The following XKR8 variants were observed in gnomAD, a reference collection of about 807,000 sequenced individuals.
XKR8 encodes XK-related protein 8.
XKR8 carries 10 observed loss-of-function variants against 17.1 expected under a neutral mutation model. The ratio of observed to expected loss-of-function variants is 0.59; its 90% CI spans 0.36 to 0.99. XKR8 has a LOEUF of 0.99. Among genes scored for constraint, XKR8 ranks in the 50% least tolerant of loss-of-function variants. The pLI, the probability that XKR8 is intolerant of heterozygous loss-of-function variation, is 0.01. For missense variants in XKR8, 411 were observed against 515.6 expected (o/e 0.80, Z 1.96); for synonymous variants, 213 against 251.9 (o/e 0.85, Z 1.46).
At position 27,965,526 on chromosome 1, in the gene XKR8, C is replaced by T. The variant is rs141972432; in HGVS notation, c.491-977C>T. ...TGGCATGGGGTCAGGGTGGGTGACT[C>T]CCGGGGCTCTTCAAGCTGGGGCCTG... On this transcript the variant is annotated intron_variant, in intron 2 of 2. Transcript: ENST00000373884. This position sits in a 1 kb window ranked among gnomAD's most constrained non-coding sequence, Gnocchi z 4.1. 2.5e-3 allele frequency among the ~76,000 whole-genome samples: 373 copies of T among 152,162 alleles called. 1 individual carries two copies. The highest frequency in any genetic ancestry group is 5.8e-3 in the Admixed American group (88 of 15,276).
At position 27,966,864 on chromosome 1, in the gene XKR8, G is replaced by C. The variant is rs1449075556; in HGVS notation, c.852G>C (p.Arg284=). The C allele has an allele frequency of 6.2e-7, 1 of 1,614,028 alleles. No homozygotes were observed. Among genetic ancestry groups the C allele is most frequent in the Non-Finnish European group, 8.5e-7 (1 of 1,180,038 alleles). The part of the protein sequence containing the change: ...FNVAEGRTRG[R]AIIHFAFLLS... ...TGGCTGAGGGCCGCACCCGAGGCCG[G>C]GCCATCATCCACTTCGCCTTCCTCC... The change falls in exon 3 of 3, where the codon CGG becomes CGC. Residue 284 remains arginine (R), a synonymous_variant. Coordinates refer to ENST00000373884, the MANE Select transcript of XKR8 (RefSeq NM_018053.4). The surrounding 1 kb of genome is among the most constrained non-coding windows in gnomAD (Gnocchi z 4.3).
In XKR8 at chr1:27,963,676, G is replaced by A. The variant is rs761902779; in HGVS notation, c.473G>A (p.Arg158Gln). 7.6e-6 allele frequency: 12 copies of A among 1,579,824 alleles called. No individual in the cohort carries two copies. The highest frequency in any genetic ancestry group is 4.6e-5 in the South Asian group (4 of 86,960). ...CTGGCCATCATGCTGCAGAGTGGCC[G>A]GGCTGAGTACTACCAGTGTGAGTGA... ...LVLAIMLQSG[R>Q]AEYYQWVGIC... Residue 158 changes from arginine (R) to glutamine (Q), a missense_variant, in exon 2 of 3, where the codon CGG (arginine) becomes CAG (glutamine). Transcript: ENST00000373884.
Position 27,960,151 on chromosome 1 carries a change from G to A in XKR8, c.82G>A (p.Gly28Ser). The A allele has an allele frequency of 6.5e-6, 10 of 1,527,658 alleles. No individual in the cohort carries two copies. The highest frequency in any genetic ancestry group is 8.7e-6 in the Non-Finnish European group (10 of 1,144,364). 94.6% of individuals were successfully genotyped at this position (1,527,658 alleles called of 1,614,324 possible). ...LGTAAFLLDL[G>S]TDLWAAVQYA... is the part of the protein sequence containing the mutation. ...CACCGCCGCCTTCCTGCTCGACCTG[G>A]GCACCGACCTGTGGGCCGCCGTCCA... Residue 28 changes from glycine (G) to serine (S), a missense_variant, in exon 1 of 3, where the codon GGC (glycine) becomes AGC (serine). By Grantham distance (56) the Gly-to-Ser change is moderately conservative (BLOSUM62 0). Transcript: ENST00000373884. This position sits in a 1 kb window ranked among gnomAD's most constrained non-coding sequence, Gnocchi z 5.9.
At chr1:27,964,600 C>G (rs990216704) in intron 2 of XKR8, among the ~76,000 whole-genome samples, 1 of 152,160 alleles carries the variant, frequency 6.6e-6, no homozygotes, top group African/African-American at 2.4e-5. Context: ...ACAAGATGAA[C>G]CCAGCCCCTG....
At position 27,963,519 on chromosome 1, in the gene XKR8, G is replaced by A; in HGVS notation, c.316G>A (p.Gly106Arg). The A allele has an allele frequency of 6.2e-7, 1 of 1,612,794 alleles. No individual in the cohort carries two copies. The highest frequency in any genetic ancestry group is 8.5e-7 in the Non-Finnish European group (1 of 1,179,356). ...TAGGTGCGTGCAGGAGCTGCGGCAG[G>A]GGCTGCTGGTGTGGCAGCAGGAGGA... is the stretch of plus-strand genomic sequence containing the variant. ...LYRCVQELRQ[G>R]LLVWQQEEPS... Residue 106 changes from glycine (G) to arginine (R), a missense_variant, in exon 2 of 3, where the codon GGG becomes AGG. By Grantham distance (125) the Gly-to-Arg change is moderately radical. Coordinates refer to ENST00000373884, the MANE Select transcript of XKR8 (RefSeq NM_018053.4).
At position 27,960,195 on chromosome 1, in the gene XKR8, C is replaced by T; in HGVS notation, c.126C>T (p.Arg42=). The change falls in exon 1 of 3, where the codon CGC becomes CGT. Residue 42 remains arginine, a synonymous_variant. Coordinates refer to ENST00000373884, the MANE Select transcript of XKR8 (RefSeq NM_018053.4). The surrounding 1 kb of genome is among the most constrained non-coding windows in gnomAD (Gnocchi z 5.9). ...CCGTCCAGTATGCGCTCGGCGGCCGCTACCTGTGGGCGGCGCTGGTGCTGG... is the reference window on the plus strand; with the variant it reads ...CCGTCCAGTATGCGCTCGGCGGCCGTTACCTGTGGGCGGCGCTGGTGCTGG... ...WAAVQYALGG[R]YLWAALVLAL... 6.5e-7 allele frequency: 1 copy of T among 1,526,936 alleles called. No homozygotes were observed. The highest frequency in any genetic ancestry group is 8.7e-7 in the Non-Finnish European group (1 of 1,143,902). 94.6% of individuals were successfully genotyped at this position (1,526,936 alleles called of 1,614,324 possible). A position where few individuals can be genotyped will look rare whatever the true frequency, so the allele number is the denominator to read the frequency against.
Position 27,966,624 on chromosome 1 carries a change from C to A in XKR8, c.612C>A (p.Phe204Leu), listed in dbSNP as rs760628091. 1 of 1,614,044 alleles carries A rather than the reference C, an allele frequency of 6.2e-7. No homozygotes were observed. The highest frequency in any genetic ancestry group is 1.3e-5 in the African/African-American group (1 of 74,916). Residue 204 changes from phenylalanine to leucine, a missense_variant, in exon 3 of 3, where the codon TTC becomes TTA. By Grantham distance (22) the Phe-to-Leu change is conservative. Transcript: ENST00000373884. The surrounding 1 kb of genome is among the most constrained non-coding windows in gnomAD (Gnocchi z 4.3). Reference protein sequence around the residue: ...LLGLGSSVIYFLWNLLLLWPR... With the variant: ...LLGLGSSVIYLLWNLLLLWPR... ...GCCTGGGCTCCTCCGTGATCTACTT[C>A]CTGTGGAACCTGCTGCTGCTGTGGC...
chr1:27,962,985 C>T (rs1638496590), intron 1 of XKR8, among the ~76,000 whole-genome samples: 1 of 152,124 alleles, frequency 6.6e-6, no homozygotes, highest in Non-Finnish European at 1.5e-5. Context: ...TGGGACAGTG[C>T]TTAGCCAGCG....
Position 27,964,992 on chromosome 1 carries a change from C to T in XKR8, c.490+1299C>T, listed in dbSNP as rs115344454. 3.5e-3 allele frequency among the ~76,000 whole-genome samples: 526 copies of T among 152,292 alleles called. 3 individuals are homozygous for T. Among genetic ancestry groups the T allele is most frequent in the African/African-American group, 0.012 (502 of 41,550 alleles). On this transcript the variant is annotated intron_variant, in intron 2 of 2. Coordinates refer to ENST00000373884, the MANE Select transcript of XKR8 (RefSeq NM_018053.4). ...CCAAGGGCCCTTTCGTCTTGCTAGT[C>T]TGAGTCTATATATTGATTGAAAAAA...
Position 27,967,069 on chromosome 1 carries a change from C to G in XKR8, c.1057C>G (p.Gln353Glu). Residue 353 changes from glutamine (Q) to glutamate (E), a missense_variant, in exon 3 of 3, where the codon CAG (glutamine) becomes GAG (glutamate). Gln to Glu is a conservative substitution (Grantham distance 29, BLOSUM62 2). Transcript: ENST00000373884. The surrounding 1 kb of genome is among the most constrained non-coding windows in gnomAD (Gnocchi z 4.3). ...PSCCWKPDPDQVDGARSLLSP... is the reference protein window; with the variant it reads ...PSCCWKPDPDEVDGARSLLSP... ...CTGCTGCTGGAAGCCCGACCCTGACCAGGTAGACGGGGCCCGGAGTCTGCT... is the reference window on the plus strand; with the variant it reads ...CTGCTGCTGGAAGCCCGACCCTGACGAGGTAGACGGGGCCCGGAGTCTGCT... The G allele has an allele frequency of 1.2e-6, 2 of 1,614,110 alleles. No individual in the cohort carries two copies. Among genetic ancestry groups the G allele is most frequent in the Non-Finnish European group, 1.7e-6 (2 of 1,179,966 alleles).
rs114552728 is a variant in XKR8, at chr1:27,967,207, G to A, written c.*7G>A. On this transcript the variant is annotated 3_prime_UTR_variant, in exon 3 of 3. Transcript: ENST00000373884. The surrounding 1 kb of genome is among the most constrained non-coding windows in gnomAD (Gnocchi z 4.3). Reference sequence around the variant, plus strand: ...TTCGCCAGTGAAGGGATAGGTGAACGGCGTCCTTTGAAGCAGGATCAGACC... The same window carrying A: ...TTCGCCAGTGAAGGGATAGGTGAACAGCGTCCTTTGAAGCAGGATCAGACC... 11,012 of 1,534,384 alleles carry A rather than the reference G, an allele frequency of 7.2e-3. 64 individuals are homozygous for A. Among genetic ancestry groups the A allele is most frequent in the Non-Finnish European group, 8.9e-3 (10,143 of 1,140,564 alleles).
In XKR8 at chr1:27,965,306, A is replaced by G. The variant is rs565704489; in HGVS notation, c.491-1197A>G. The stretch of plus-strand genomic sequence containing the variant: ...TAAGGGGGCGAGACAGATTTTCCCT[A>G]CTTTTTATTTAGCAAACATCTCTTT... On this transcript the variant is annotated intron_variant, in intron 2 of 2. Coordinates refer to ENST00000373884, the MANE Select transcript of XKR8 (RefSeq NM_018053.4). The surrounding 1 kb of genome is among the most constrained non-coding windows in gnomAD (Gnocchi z 4.1). Among the ~76,000 whole-genome samples, 1 of 152,160 alleles carries G rather than the reference A, an allele frequency of 6.6e-6. No individual in the cohort carries two copies. The highest frequency in any genetic ancestry group is 6.5e-5 in the Admixed American group (1 of 15,280).
In XKR8 at chr1:27,960,193, C is replaced by T; in HGVS notation, c.124C>T (p.Arg42Cys). 1.3e-6 allele frequency: 2 copies of T among 1,526,870 alleles called. No homozygotes were observed. The highest frequency in any genetic ancestry group is 1.7e-6 in the Non-Finnish European group (2 of 1,143,864). 94.6% of individuals were successfully genotyped at this position (1,526,870 alleles called of 1,614,324 possible). A position where few individuals can be genotyped will look rare whatever the true frequency, so the allele number is the denominator to read the frequency against. ...WAAVQYALGG[R>C]YLWAALVLAL... The stretch of plus-strand genomic sequence containing the variant: ...CGCCGTCCAGTATGCGCTCGGCGGC[C>T]GCTACCTGTGGGCGGCGCTGGTGCT... The change falls in exon 1 of 3, where the codon CGC becomes TGC. Residue 42 changes from arginine (R) to cysteine (C), a missense_variant. Transcript: ENST00000373884. The surrounding 1 kb of genome is among the most constrained non-coding windows in gnomAD (Gnocchi z 5.9).
At chr1:27,963,402 G>A (rs765476898) in intron 1 of XKR8, 95 bp from the exon 2 acceptor site, 27 of 1,437,490 alleles carry the variant, frequency 1.9e-5, no homozygotes, top group Non-Finnish European at 2.5e-5. Context: ...TGAGGAGACA[G>A]GTTGGAGCCT....
chr1:27,966,624 C>T lies in XKR8; in HGVS notation c.612C>T (p.Phe204=), dbSNP rs760628091. 2.5e-6 allele frequency: 4 copies of T among 1,614,044 alleles called. No individual in the cohort carries two copies. Among genetic ancestry groups the T allele is most frequent in the Non-Finnish European group, 3.4e-6 (4 of 1,180,016 alleles). The change falls in exon 3 of 3, where the codon TTC becomes TTT. Residue 204 remains phenylalanine (F), a synonymous_variant. Transcript: ENST00000373884. The surrounding 1 kb of genome is among the most constrained non-coding windows in gnomAD (Gnocchi z 4.3). ...GCCTGGGCTCCTCCGTGATCTACTT[C>T]CTGTGGAACCTGCTGCTGCTGTGGC... ...LLGLGSSVIY[F]LWNLLLLWPR...
At chr1:27,961,125 A>T (rs1004611258) in intron 1 of XKR8, among the ~76,000 whole-genome samples, 2 of 152,170 alleles carry the variant, frequency 1.3e-5, no homozygotes, top group African/African-American at 2.4e-5. Context: ...CTTCCCCCTG[A>T]AACTTGGCTT....
At chr1:27,962,923 C>T (rs1225182076) in intron 1 of XKR8, among the ~76,000 whole-genome samples, 2 of 152,314 alleles carry the variant, frequency 1.3e-5, no homozygotes, top group South Asian at 2.1e-4. Flanking sequence ...GTTTCCCCAT[C>T]TGTAAAATGG....
In XKR8 at chr1:27,960,831, A is replaced by G. The variant is rs1179241644; in HGVS notation, c.293+469A>G. Among the ~76,000 whole-genome samples, 1 of 152,200 alleles carries G rather than the reference A, an allele frequency of 6.6e-6. No homozygotes were observed. The highest frequency in any genetic ancestry group is 1.5e-5 in the Non-Finnish European group (1 of 68,022). On this transcript the variant is annotated intron_variant, in intron 1 of 2. Coordinates refer to ENST00000373884, the MANE Select transcript of XKR8 (RefSeq NM_018053.4). The surrounding 1 kb of genome is among the most constrained non-coding windows in gnomAD (Gnocchi z 5.9). ...CTGTAATGGCAGGGGCTGCGGACTCAGTTCAGCATCCCATGTTTCAGCATG... is the reference window on the plus strand; with the variant it reads ...CTGTAATGGCAGGGGCTGCGGACTCGGTTCAGCATCCCATGTTTCAGCATG...
At chr1:27,962,532 C>T (rs996792946) in intron 1 of XKR8, among the ~76,000 whole-genome samples, 5 of 151,738 alleles carry the variant, frequency 3.3e-5, no homozygotes, top group African/African-American at 7.3e-5. Flanking sequence ...GAGTTTGTGC[C>T]ACTGCACTCT....
Sources: gnomAD v4.1 joint callset for allele counts (sites outside exome capture counted in the v4.1 genomes callset) on GRCh38, gnomAD v4.1.1 for gene constraint, Gnocchi (gnomAD v3.1) non-coding constraint, MANE v1.5 for transcripts, NCBI Gene and HGNC (gene_info 2026-07-23, HGNC 2026-07-21) for gene names.